The following POT1 variants were observed in gnomAD, a reference collection of about 807,000 sequenced individuals.
POT1 encodes protection of telomeres 1, also known as protection of telomeres protein 1.
A neutral mutation model predicts 78.5 loss-of-function variants in POT1; 47 were observed. The ratio of observed to expected loss-of-function variants is 0.60; its 90% CI spans 0.47 to 0.76. The LOEUF is 0.76. Ranked by LOEUF, POT1 falls within the 30% of genes least tolerant of loss-of-function variation. The pLI is 0.00. For missense variants in POT1, 646 were observed against 749.9 expected (o/e 0.86, Z 1.62); for synonymous variants, 259 against 260.7 (o/e 0.99, Z 0.06).
intron 16 of POT1, chr7:124,828,857 A>G (rs550085541): frequency 1.1e-4 from 58 of 525,740 alleles, no homozygotes; most frequent in African/African-American, 1.0e-3. Context: ...ATAGCTATAC[A>G]ATGACATTTC....
At chr7:124,829,853 C>T (rs1312616651) in intron 15 of POT1, among the ~76,000 whole-genome samples, 1 of 152,082 alleles carries the variant, frequency 6.6e-6, no homozygotes, top group African/African-American at 2.4e-5. Flanking sequence ...TTGCACACCA[C>T]CATGCCTGGG....
chr7:124,849,689 T>A (rs1795257504), intron 11 of POT1, among the ~76,000 whole-genome samples: 1 of 152,108 alleles, frequency 6.6e-6, no homozygotes, highest in Non-Finnish European at 1.5e-5. Flanking sequence ...AAGTATTATT[T>A]GTAAGAGCAA....
chr7:124,825,242 T>C lies in POT1; in HGVS notation c.1792+10A>G. Reference sequence around the variant, plus strand: ...AAGAAGTGTGGGATTGTTAAAATATTCTTGCCTACCAATTTTTATTCCTGG... The same window carrying C: ...AAGAAGTGTGGGATTGTTAAAATATCCTTGCCTACCAATTTTTATTCCTGG... On this transcript the variant is annotated intron_variant, in intron 18 of 18. Transcript: ENST00000357628. The C allele has an allele frequency of 6.4e-7, 1 of 1,569,934 alleles. No individual in the cohort carries two copies. The highest frequency in any genetic ancestry group is 8.7e-7 in the Non-Finnish European group (1 of 1,143,414).
intron 1 of POT1, 138 bp from the exon 2 acceptor site, chr7:124,929,137 C>T (rs766565398): frequency 6.6e-6 from 1 of 152,242 alleles, no homozygotes; most frequent in South Asian, 2.1e-4. Flanking sequence ...GATTATTTTA[C>T]AATTTTATTG....
At chr7:124,928,414 A>T (rs1381269215) in intron 2 of POT1, among the ~76,000 whole-genome samples, 1 of 152,212 alleles carries the variant, frequency 6.6e-6, no homozygotes, top group African/African-American at 2.4e-5. Flanking sequence ...GGTACAGCAC[A>T]GTCTGTTATC....
At chr7:124,844,523 TCAAGAGAGCGAGAC>T (rs1255188826) in intron 12 of POT1, among the ~76,000 whole-genome samples, 1 of 148,456 alleles carries the variant, frequency 6.7e-6, no homozygotes, top group Non-Finnish European at 1.5e-5. Context: ...GATCACGAGG[TCAAGAGAGCGAGAC>T]CATCCTGGCT....
At chr7:124,882,943 T>A (rs1796152624) in intron 6 of POT1, among the ~76,000 whole-genome samples, 1 of 151,980 alleles carries the variant, frequency 6.6e-6, no homozygotes, top group Admixed American at 6.6e-5. Flanking sequence ...AAGTGTCTTT[T>A]CTCCATCTCC....
intron 7 of POT1, among the ~76,000 whole-genome samples, chr7:124,870,322 T>A (rs1181441239): frequency 6.6e-6 from 1 of 152,100 alleles, no homozygotes; most frequent in East Asian, 1.9e-4. Flanking sequence ...AGTTCTAAAA[T>A]TTTTTTAATT....
At position 124,822,657 on chromosome 7, in the gene POT1, T is replaced by C. The variant is rs1794533907; in HGVS notation, c.*1305A>G. 2.6e-6 allele frequency: 1 copy of C among 383,236 alleles called. No individual in the cohort carries two copies. Among genetic ancestry groups the C allele is most frequent in the African/African-American group, 2.1e-5 (1 of 48,440 alleles). 23.7% of individuals were successfully genotyped at this position (383,236 alleles called of 1,614,324 possible). Reference sequence around the variant, plus strand: ...GGTTTTAAAATATTTTTCCTGAAAATGTTTTGAACCAAGAGTCTATATTCT... The same window carrying C: ...GGTTTTAAAATATTTTTCCTGAAAACGTTTTGAACCAAGAGTCTATATTCT... On this transcript the variant is annotated 3_prime_UTR_variant, in exon 19 of 19. Transcript: ENST00000357628.
At chr7:124,897,544 C>G (rs1429875918) in intron 4 of POT1, among the ~76,000 whole-genome samples, 2 of 151,640 alleles carry the variant, frequency 1.3e-5, no homozygotes, top group Non-Finnish European at 2.9e-5. Flanking sequence ...CCTATCAGTC[C>G]AATAGAAGTG....
At chr7:124,840,491 A>G (rs1170596451) in intron 14 of POT1, among the ~76,000 whole-genome samples, 2 of 152,060 alleles carry the variant, frequency 1.3e-5, no homozygotes, top group African/African-American at 2.4e-5. Flanking sequence ...ATGAAAATGA[A>G]AAGAAAATGA....
At chr7:124,840,715 T>C (rs1339586512) in intron 14 of POT1, 4 of 276,406 alleles carry the variant, frequency 1.4e-5, no homozygotes, top group Non-Finnish European at 1.4e-5. Context: ...ATTGACAAAA[T>C]AAAATGCAAT....
intron 17 of POT1, among the ~76,000 whole-genome samples, chr7:124,826,183 C>G (rs1480020634): frequency 6.6e-6 from 1 of 152,140 alleles, no homozygotes; most frequent in African/African-American, 2.4e-5. Context: ...CCACTAAAAT[C>G]TTTTAGCAGA....
intron 13 of POT1, among the ~76,000 whole-genome samples, chr7:124,841,935 A>C (rs1020409895): frequency 6.6e-6 from 1 of 152,034 alleles, no homozygotes; most frequent in Non-Finnish European, 1.5e-5. Flanking sequence ...AAATGGGTAA[A>C]AACAGTTCCC....
intron 9 of POT1, 113 bp from the exon 10 acceptor site, chr7:124,853,251 A>G: frequency 1.3e-6 from 1 of 764,878 alleles, no homozygotes; most frequent in Non-Finnish European, 2.1e-6. Flanking sequence ...CAGTCAGGAA[A>G]TATACTAAAG....
At chr7:124,873,995 G>T (rs1436443860) in intron 6 of POT1, among the ~76,000 whole-genome samples, 1 of 152,154 alleles carries the variant, frequency 6.6e-6, no homozygotes, top group Non-Finnish European at 1.5e-5. Context: ...GGATCAATTA[G>T]AAGTTTACAC....
intron 12 of POT1, chr7:124,843,272 G>A (rs971056910): frequency 3.2e-5 from 6 of 185,116 alleles, no homozygotes; most frequent in Non-Finnish European, 5.5e-5. Flanking sequence ...AAAATATTAC[G>A]CTAGGCAACC....
intron 3 of POT1, among the ~76,000 whole-genome samples, chr7:124,902,625 C>A (rs1796650254): frequency 6.6e-6 from 1 of 152,140 alleles, no homozygotes; most frequent in Non-Finnish European, 1.5e-5. Flanking sequence ...AACTAATGAG[C>A]AAAATAACCA....
intron 3 of POT1, among the ~76,000 whole-genome samples, chr7:124,912,568 T>C (rs1236743846): frequency 6.6e-6 from 1 of 152,092 alleles, no homozygotes; most frequent in African/African-American, 2.4e-5. Flanking sequence ...CTAGAAAAGG[T>C]ATATATTTAC....
Sources: gnomAD v4.1 joint callset for allele counts (sites outside exome capture counted in the v4.1 genomes callset) on GRCh38, gnomAD v4.1.1 for gene constraint, MANE v1.5 for transcripts, NCBI Gene and HGNC (gene_info 2026-07-23, HGNC 2026-07-21) for gene names.